The following FARS2 variants were observed in gnomAD, a reference collection of about 807,000 sequenced individuals.
FARS2 encodes the protein phenylalanine--tRNA ligase, mitochondrial.
A neutral mutation model predicts 46.4 loss-of-function variants in FARS2; 40 were observed. The ratio of observed to expected loss-of-function variants is 0.86; its 90% CI spans 0.67 to 1.12. FARS2 has a LOEUF of 1.12. Ranked by LOEUF, FARS2 falls within the 50% of genes most tolerant of loss-of-function variation. FARS2 has a pLI of 0.00. For synonymous variants in FARS2, 234 were observed against 214.9 expected (o/e 1.09, Z -0.78); for missense variants, 513 against 567.9 (o/e 0.90, Z 0.98).
At chr6:5,256,351 G>A (rs771156234), upstream of FARS2, among the ~76,000 whole-genome samples, 300 of 151,788 alleles carry the variant, frequency 2.0e-3, no homozygotes, top group Non-Finnish European at 3.2e-3. Context: ...TTAGCCAGGC[G>A]TAGTGGCAGG....
intron 5 of FARS2, among the ~76,000 whole-genome samples, chr6:5,575,279 CAT>C (rs1772896077): frequency 2.0e-5 from 3 of 152,182 alleles, no homozygotes. Context: ...CAGCTGGGAA[CAT>C]GTGTGTTCTG....
At chr6:5,397,561 A>G (rs1429991844) in intron 2 of FARS2, among the ~76,000 whole-genome samples, 2 of 152,232 alleles carry the variant, frequency 1.3e-5, no homozygotes, top group African/African-American at 2.4e-5. Flanking sequence ...TATATGGGAT[A>G]TCTCTGTATC....
intron 1 of FARS2, among the ~76,000 whole-genome samples, chr6:5,313,036 G>A (rs751637450): frequency 6.6e-6 from 1 of 152,132 alleles, no homozygotes; most frequent in African/African-American, 2.4e-5. Flanking sequence ...AGAAGGAGAG[G>A]GAGAGAGAGA....
At position 5,765,520 on chromosome 6, in the gene FARS2, G is replaced by T. The variant is rs1259232047; in HGVS notation, c.1218-5771G>T. ...CTCTCAAGAGGTAAGCTCCTAGCAG[G>T]CAGGATAACCTGAAGCCCTCTGGTG... On this transcript the variant is annotated intron_variant, in intron 6 of 6. Transcript: ENST00000274680. This position sits in a 1 kb window ranked among gnomAD's most constrained non-coding sequence, Gnocchi z 4.0. Among the ~76,000 whole-genome samples, 1 of 152,142 alleles carries T rather than the reference G, an allele frequency of 6.6e-6. No individual in the cohort carries two copies. The highest frequency in any genetic ancestry group is 1.5e-5 in the Non-Finnish European group (1 of 68,024).
intron 1 of FARS2, among the ~76,000 whole-genome samples, chr6:5,307,306 C>G (rs1293446179): frequency 6.6e-6 from 1 of 152,066 alleles, no homozygotes; most frequent in African/African-American, 2.4e-5. Flanking sequence ...CAGTGGAGGC[C>G]AGGCCTCTTC....
chr6:5,517,591 G>A (rs1768886184), intron 4 of FARS2, among the ~76,000 whole-genome samples: 1 of 149,566 alleles, frequency 6.7e-6, no homozygotes, highest in African/African-American at 2.5e-5. Flanking sequence ...CAGCCTGGGA[G>A]ACAAGAGTGA....
chr6:5,455,081 G>A (rs1764763872), intron 4 of FARS2, among the ~76,000 whole-genome samples: 1 of 152,196 alleles, frequency 6.6e-6, no homozygotes, highest in African/African-American at 2.4e-5. Flanking sequence ...CATCTAGCAC[G>A]ATACCTGGCA....
intron 4 of FARS2, among the ~76,000 whole-genome samples, chr6:5,445,075 G>A (rs921428280): frequency 6.6e-6 from 1 of 152,128 alleles, no homozygotes; most frequent in Non-Finnish European, 1.5e-5. Flanking sequence ...AACCCATAGA[G>A]GATTGTGTTT....
chr6:5,327,017 G>T (rs1336546644), intron 1 of FARS2, among the ~76,000 whole-genome samples: 1 of 152,146 alleles, frequency 6.6e-6, no homozygotes, highest in African/African-American at 2.4e-5. Context: ...CATGGTAATG[G>T]TAAATCAGCT....
rs574686904 is a variant in FARS2, at chr6:5,609,191, T to G, written c.1066-3978T>G. 2.2e-3 allele frequency: 2,486 copies of G among 1,111,010 alleles called. 13 individuals are homozygous for G. The highest frequency in any genetic ancestry group is 2.0e-3 in the Non-Finnish European group (1,473 of 744,200). The allele number at this position is 1,111,010 out of a possible 1,614,324, so 68.8% of individuals were successfully genotyped here. ...TAACCTGTAGCTTCCCTGACACTTC[T>G]CTGGCTCTCCTCTCCGGCTAAGCTT... On this transcript the variant is annotated intron_variant, in intron 5 of 6. Transcript: ENST00000274680.
chr6:5,463,932 A>C (rs1428514222), intron 4 of FARS2, among the ~76,000 whole-genome samples: 2 of 152,210 alleles, frequency 1.3e-5, no homozygotes, highest in African/African-American at 4.8e-5. Context: ...AAGAGTCTTT[A>C]GTAAGGTAAT....
chr6:5,519,821 T>C (rs1769022432), intron 4 of FARS2, among the ~76,000 whole-genome samples: 1 of 152,232 alleles, frequency 6.6e-6, no homozygotes, highest in South Asian at 2.1e-4. Context: ...CCTCACTGGA[T>C]GGCTTGCGGT....
chr6:5,404,348 A>G (rs1157546388), intron 2 of FARS2, among the ~76,000 whole-genome samples, 194 bp from the exon 3 acceptor site: 2 of 152,208 alleles, frequency 1.3e-5, no homozygotes, highest in East Asian at 3.8e-4. Flanking sequence ...CCCCCATACC[A>G]TGTAGCGTAG....
chr6:5,327,319 G>T (rs940217585), intron 1 of FARS2, among the ~76,000 whole-genome samples: 1 of 152,138 alleles, frequency 6.6e-6, no homozygotes, highest in Non-Finnish European at 1.5e-5. Context: ...TCTAGGAAAG[G>T]CTATACTATA....
intron 5 of FARS2, among the ~76,000 whole-genome samples, chr6:5,574,742 C>T (rs1772858705): frequency 6.6e-6 from 1 of 152,134 alleles, no homozygotes; most frequent in Non-Finnish European, 1.5e-5. Context: ...TAATGAATAA[C>T]TTTGTTTTAT....
intron 5 of FARS2, among the ~76,000 whole-genome samples, chr6:5,562,996 TG>T (rs1409728113): frequency 6.6e-6 from 1 of 151,890 alleles, no homozygotes; most frequent in African/African-American, 2.4e-5. Flanking sequence ...TTTTCTTTTT[TG>T]TTTTTGTGGT....
chr6:5,519,039 A>G (rs1561680334), intron 4 of FARS2, among the ~76,000 whole-genome samples: 1 of 152,166 alleles, frequency 6.6e-6, no homozygotes, highest in African/African-American at 2.4e-5. Flanking sequence ...TACCTCTAAA[A>G]TATTGATATA....
At chr6:5,632,617 TCCTC>T (rs920690070) in intron 6 of FARS2, among the ~76,000 whole-genome samples, 6 of 142,906 alleles carry the variant, frequency 4.2e-5, no homozygotes, top group African/African-American at 8.0e-5. Flanking sequence ...TTCCTTCCTT[TCCTC>T]CCTCCCTCCC....
At position 5,467,805 on chromosome 6, in the gene FARS2, T is replaced by G. The variant is rs540581002; in HGVS notation, c.904+36633T>G. Among the ~76,000 whole-genome samples the G allele has an allele frequency of 7.2e-4, 110 of 152,352 alleles. 1 individual carries two copies. Among genetic ancestry groups the G allele is most frequent in the African/African-American group, 2.6e-3 (108 of 41,586 alleles). ...GATGATTTCTAAGATGACTTATGCC[T>G]TACCATTTTATGGTTCTATGATTCT... On this transcript the variant is annotated intron_variant, in intron 4 of 6. Transcript: ENST00000274680.
Sources: gnomAD v4.1 joint callset for allele counts (sites outside exome capture counted in the v4.1 genomes callset) on GRCh38, gnomAD v4.1.1 for gene constraint, Gnocchi (gnomAD v3.1) non-coding constraint, MANE v1.5 for transcripts, NCBI Gene and HGNC (gene_info 2026-07-23, HGNC 2026-07-21) for gene names.